TJP2: variants seen among roughly 807,000 people sequenced by gnomAD.
TJP2 encodes the protein tight junction protein 2, also known as Friedreich ataxia region gene X104 (tight junction protein ZO-2).
A neutral mutation model predicts 133.1 loss-of-function variants in TJP2; 91 were observed. That is an observed-to-expected ratio of 0.68 (90% CI 0.58 to 0.81). TJP2 has a LOEUF of 0.81. Ranked by LOEUF, TJP2 falls within the 40% of genes least tolerant of loss-of-function variation. The pLI, the probability that TJP2 is intolerant of heterozygous loss-of-function variation, is 0.00. For synonymous variants in TJP2, 592 were observed against 583.4 expected (o/e 1.01, Z -0.21); for missense variants, 1,541 against 1,565.6 (o/e 0.98, Z 0.26).
chr9:69,182,713 C>G (rs1825597632), intron 1 of TJP2, among the ~76,000 whole-genome samples: 1 of 150,988 alleles, frequency 6.6e-6, no homozygotes, highest in Admixed American at 6.6e-5. Context: ...TCTGTGTTAT[C>G]AATTTCGTTG....
intron 1 of TJP2, among the ~76,000 whole-genome samples, chr9:69,137,299 CTTTTCT>C (rs1471099510): frequency 2.9e-4 from 25 of 86,186 alleles, no homozygotes; most frequent in African/African-American, 1.0e-3. Flanking sequence ...TTCTTTCTTT[CTTTTCT>C]TTTCTTTTCT....
intron 16 of TJP2, among the ~76,000 whole-genome samples, chr9:69,239,193 A>AAT (rs1554666302): frequency 2.0e-5 from 3 of 150,226 alleles, no homozygotes; most frequent in East Asian, 1.9e-4. Context: ...ATCTCAAAAA[A>AAT]ATATATATAT....
intron 2 of TJP2, among the ~76,000 whole-genome samples, chr9:69,165,984 G>A (rs563091493): frequency 1.3e-5 from 2 of 152,308 alleles, no homozygotes; most frequent in East Asian, 3.9e-4. Context: ...TCACCTAGGA[G>A]TCTGCATGTG....
At chr9:69,196,725 A>G (rs1333557318) in intron 1 of TJP2, among the ~76,000 whole-genome samples, 2 of 152,084 alleles carry the variant, frequency 1.3e-5, no homozygotes, top group African/African-American at 4.8e-5. Context: ...TCATTTTAGA[A>G]CATTTTCTTC....
intron 1 of TJP2, among the ~76,000 whole-genome samples, chr9:69,204,038 G>A (rs959469539): frequency 1.3e-5 from 2 of 152,210 alleles, no homozygotes; most frequent in Non-Finnish European, 2.9e-5. Flanking sequence ...CAGCACGAGT[G>A]CTTTGTAGAG....
chr9:69,251,111 C>T lies in TJP2; in HGVS notation c.3068C>T (p.Ala1023Val), dbSNP rs199767035. ...YEYKSNPSAV[A>V]GNETPGASTK... ...TATAAGTCAAACCCCTCTGCCGTTG[C>T]TGGTAATGAAACTCCTGGGGCATCT... Residue 1023 changes from alanine to valine, a missense_variant, in exon 21 of 23, where the codon GCT becomes GTT. Physicochemically the swap from Ala to Val is moderately conservative, Grantham distance 64. Transcript: ENST00000377245. 2.7e-4 allele frequency: 437 copies of T among 1,614,040 alleles called. 1 individual carries two copies. Among genetic ancestry groups the T allele is most frequent in the Admixed American group, 7.5e-4 (45 of 60,002 alleles).
intron 2 of TJP2, among the ~76,000 whole-genome samples, chr9:69,156,632 C>T (rs543883992): frequency 4.6e-5 from 7 of 150,980 alleles, no homozygotes; most frequent in African/African-American, 1.2e-4. Flanking sequence ...TCCGGGTTCA[C>T]GCCATTCTCC....
chr9:69,234,399 T>TTTCTTTCTTTCTTTC (rs772707888), intron 11 of TJP2, 40 bp from the exon 12 acceptor site: 15 of 254,716 alleles, frequency 5.9e-5, no homozygotes, highest in South Asian at 2.0e-4. Context: ...TCTTTCTTTC[T>TTTCTTTCTTTCTTTC]TTTTTTTTTT....
intron 1 of TJP2, among the ~76,000 whole-genome samples, chr9:69,196,880 T>A (rs890820042): frequency 8.6e-5 from 13 of 151,888 alleles, no homozygotes; most frequent in African/African-American, 3.1e-4. Flanking sequence ...TTATGTCACA[T>A]AATTTGTCAT....
chr9:69,133,652 A>G (rs1250378670), intron 1 of TJP2, among the ~76,000 whole-genome samples: 3 of 149,680 alleles, frequency 2.0e-5, no homozygotes, highest in African/African-American at 7.4e-5. Flanking sequence ...CCCGAGTTCA[A>G]GCGATTCTCC....
At chr9:69,136,281 G>A (rs181517749) in intron 1 of TJP2, among the ~76,000 whole-genome samples, 1 of 152,126 alleles carries the variant, frequency 6.6e-6, no homozygotes, top group Non-Finnish European at 1.5e-5. Flanking sequence ...CACTTTGGGA[G>A]GCCAAAGCGG....
At chr9:69,182,362 G>A (rs996559278) in intron 1 of TJP2, among the ~76,000 whole-genome samples, 1 of 152,180 alleles carries the variant, frequency 6.6e-6, no homozygotes, top group Non-Finnish European at 1.5e-5. Context: ...TGGTGTTATT[G>A]TTAAAGCCTA....
intron 1 of TJP2, among the ~76,000 whole-genome samples, chr9:69,174,773 C>T (rs1003777470): frequency 8.2e-6 from 1 of 122,038 alleles, no homozygotes; most frequent in African/African-American, 2.8e-5. Context: ...TTTGTGTTTT[C>T]CTTCTCTATT....
chr9:69,177,459 T>G (rs1362358509), intron 1 of TJP2, among the ~76,000 whole-genome samples: 1 of 152,196 alleles, frequency 6.6e-6, no homozygotes, highest in African/African-American at 2.4e-5. Flanking sequence ...TGTTTCTCCC[T>G]CATAGGAATT....
At chr9:69,221,628 ACTGCAAC>A in intron 5 of TJP2, 132 bp downstream of exon 5, 1 of 1,223,018 alleles carries the variant, frequency 8.2e-7, no homozygotes, top group East Asian at 2.6e-5. Flanking sequence ...ATCTCGGCTC[ACTGCAAC>A]CTCCACCTCC....
At chr9:69,231,103 A>C (rs1829741959) in intron 11 of TJP2, among the ~76,000 whole-genome samples, 1 of 140,172 alleles carries the variant, frequency 7.1e-6, no homozygotes, top group African/African-American at 2.6e-5. Flanking sequence ...AGTACTAGGG[A>C]ACTGTTTTTT....
intron 2 of TJP2, among the ~76,000 whole-genome samples, chr9:69,215,942 A>C (rs1828338676): frequency 6.6e-6 from 1 of 152,232 alleles, no homozygotes; most frequent in Non-Finnish European, 1.5e-5. Context: ...AAATTAAAAA[A>C]TACAGTTTTA....
chr9:69,244,786 C>T (rs757012541), intron 17 of TJP2, among the ~76,000 whole-genome samples: 21 of 152,332 alleles, frequency 1.4e-4, no homozygotes, highest in Non-Finnish European at 2.6e-4. Flanking sequence ...AAGTTAGCTA[C>T]TGTGAAGCTC....
intron 1 of TJP2, among the ~76,000 whole-genome samples, chr9:69,206,735 A>G (rs1311554289): frequency 6.6e-6 from 1 of 151,812 alleles, no homozygotes. Flanking sequence ...CTGCCACCAC[A>G]CCTGGCTAAT....
Sources: gnomAD v4.1 joint callset for allele counts (sites outside exome capture counted in the v4.1 genomes callset) on GRCh38, gnomAD v4.1.1 for gene constraint, MANE v1.5 for transcripts, NCBI Gene and HGNC (gene_info 2026-07-23, HGNC 2026-07-21) for gene names.